The following QTMAN variants were observed in gnomAD, a reference collection of about 807,000 sequenced individuals.
QTMAN encodes tRNA-queuosine alpha-mannosyltransferase.
At chr2:144,296,506 AT>A in the QTMAN span, among the ~76,000 whole-genome samples, 1 of 152,244 alleles carries the variant, frequency 6.6e-6, no homozygotes, top group Admixed American at 6.5e-5. Flanking sequence ...ACTGAAAAAA[AT>A]ATTAAAGTAC....
the QTMAN span, among the ~76,000 whole-genome samples, chr2:144,085,671 G>C: frequency 0.1 from 15,959 of 152,128 alleles, 1,292 homozygotes; most frequent in East Asian, 0.26. Flanking sequence ...AGAGATGAGG[G>C]GGATGTGAAC....
chr2:143,948,715 T>C, the QTMAN span, among the ~76,000 whole-genome samples: 1 of 152,140 alleles, frequency 6.6e-6, no homozygotes, highest in African/African-American at 2.4e-5. Flanking sequence ...TCACATAATA[T>C]AATAAAAGTG....
chr2:144,050,331 T>C, the QTMAN span, among the ~76,000 whole-genome samples: 3 of 151,148 alleles, frequency 2.0e-5, no homozygotes, highest in Non-Finnish European at 4.4e-5. Flanking sequence ...AAAAAAACAA[T>C]AAAAAGAGAG....
the QTMAN span, among the ~76,000 whole-genome samples, chr2:143,990,511 C>T: frequency 6.6e-6 from 1 of 152,228 alleles, no homozygotes. Flanking sequence ...GAGAATGGGG[C>T]ATCAGTAGGA....
chr2:144,039,562 AT>A, the QTMAN span, among the ~76,000 whole-genome samples: 1 of 152,310 alleles, frequency 6.6e-6, no homozygotes, highest in Non-Finnish European at 1.5e-5. Flanking sequence ...CAAATCCTTT[AT>A]TTTGTTCAGT....
At chr2:143,953,533 G>C in the QTMAN span, among the ~76,000 whole-genome samples, 4 of 151,846 alleles carry the variant, frequency 2.6e-5, no homozygotes, top group Non-Finnish European at 3.0e-5. Flanking sequence ...GTTTCACTTT[G>C]TGAGAGGATT....
chr2:144,087,225 T>C, the QTMAN span, among the ~76,000 whole-genome samples: 3 of 152,010 alleles, frequency 2.0e-5, no homozygotes, highest in Admixed American at 2.0e-4. Context: ...ATGACTGAAA[T>C]GAAGTAGACA....
chr2:144,155,071 C>G, the QTMAN span, among the ~76,000 whole-genome samples: 1 of 152,152 alleles, frequency 6.6e-6, no homozygotes. Flanking sequence ...TGCTTACATT[C>G]CCCATGCCCC....
At chr2:144,073,982 T>G in the QTMAN span, among the ~76,000 whole-genome samples, 1 of 152,196 alleles carries the variant, frequency 6.6e-6, no homozygotes, top group Non-Finnish European at 1.5e-5. Flanking sequence ...GGGTAGTTAA[T>G]AGCAGAGCTG....
chr2:143,986,356 G>A, the QTMAN span, among the ~76,000 whole-genome samples: 3 of 152,224 alleles, frequency 2.0e-5, no homozygotes, highest in Non-Finnish European at 4.4e-5. Context: ...TCATGTGCCA[G>A]ACAGGCTTTG....
chr2:144,242,960 T>TAAAAAAA, the QTMAN span, among the ~76,000 whole-genome samples: 384 of 77,788 alleles, frequency 4.9e-3, 14 homozygotes, highest in African/African-American at 0.023. Flanking sequence ...AGACTCTACT[T>TAAAAAAA]AAAAAAAAAA....
the QTMAN span, among the ~76,000 whole-genome samples, chr2:143,987,274 A>C: frequency 1.3e-5 from 2 of 152,192 alleles, no homozygotes; most frequent in Non-Finnish European, 2.9e-5. Context: ...CAGACTATTC[A>C]TCTCGATTTT....
At chr2:144,332,803 C>G in the QTMAN span, among the ~76,000 whole-genome samples, 1 of 152,186 alleles carries the variant, frequency 6.6e-6, no homozygotes, top group Admixed American at 6.5e-5. Context: ...ATCTCGTCAG[C>G]ACCCTGTCCG....
chr2:144,189,731 C>T, the QTMAN span, among the ~76,000 whole-genome samples: 4 of 151,848 alleles, frequency 2.6e-5, no homozygotes, highest in Admixed American at 1.3e-4. Flanking sequence ...GCAATTCTCC[C>T]GCCTCAGCCT....
At chr2:144,239,580 T>A in the QTMAN span, among the ~76,000 whole-genome samples, 4 of 152,226 alleles carry the variant, frequency 2.6e-5, no homozygotes, top group African/African-American at 9.6e-5. Context: ...CAGAATGATG[T>A]GAACTAAGCT....
the QTMAN span, among the ~76,000 whole-genome samples, chr2:143,992,241 C>T: frequency 1.3e-5 from 2 of 149,356 alleles, no homozygotes; most frequent in African/African-American, 5.0e-5. Context: ...TACCCCGCAA[C>T]CCTGTGCTCT....
the QTMAN span, among the ~76,000 whole-genome samples, chr2:144,170,772 A>C: frequency 6.6e-6 from 1 of 152,084 alleles, no homozygotes; most frequent in Admixed American, 6.6e-5. Flanking sequence ...CTTTAGGACA[A>C]ATACATACAG....
At chr2:144,326,369 T>C in the QTMAN span, among the ~76,000 whole-genome samples, 1,951 of 152,012 alleles carry the variant, frequency 0.013, 39 homozygotes, top group African/African-American at 0.044. Context: ...GGGCGGATCA[T>C]GAGGTCAGTA....
chr2:143,947,130 T>G, the QTMAN span: 12 of 1,611,792 alleles, frequency 7.4e-6, no homozygotes, highest in Non-Finnish European at 1.0e-5. Flanking sequence ...ACGGAGCGAT[T>G]TCACCCTGCA....
Sources: gnomAD v4.1 joint callset for allele counts (sites outside exome capture counted in the v4.1 genomes callset) on GRCh38, gnomAD v4.1.1 for gene constraint, MANE v1.5 for transcripts, NCBI Gene and HGNC (gene_info 2026-07-23, HGNC 2026-07-21) for gene names.